Variants in ERF observed in about 807,000 individuals in gnomAD.
ERF encodes the protein ETS2 repressor factor.
In ERF, 10 loss-of-function variants were observed where a neutral mutation model predicts 41.6. The ratio of observed to expected loss-of-function variants is 0.24; its 90% CI spans 0.15 to 0.41. The LOEUF (loss-of-function observed/expected upper bound fraction) is 0.41. Ranked by LOEUF, ERF falls within the 10% of genes least tolerant of loss-of-function variation. The pLI, the probability that ERF is intolerant of heterozygous loss-of-function variation, is 1.00. For missense variants in ERF, 621 were observed against 763.2 expected (o/e 0.81, Z 2.19); for synonymous variants, 395 against 342.4 (o/e 1.15, Z -1.70).
Position 42,249,593 on chromosome 19 carries a change from G to C in ERF, c.519C>G (p.Phe173Leu). ...PACSSSSSSL[F>L]SAVVARRLGR... ...CCAGGCGGCGGGCCACCACAGCCGA[G>C]AAGAGGGAAGATGAAGATGAAGAGC... Residue 173 changes from phenylalanine to leucine, a missense_variant, in exon 4 of 4, where the codon TTC becomes TTG. Transcript: ENST00000222329. This position sits in a 1 kb window ranked among gnomAD's most constrained non-coding sequence, Gnocchi z 8.6. 6.2e-7 allele frequency: 1 copy of C among 1,613,712 alleles called. No homozygotes were observed. The highest frequency in any genetic ancestry group is 8.5e-7 in the Non-Finnish European group (1 of 1,179,966).
chr19:42,254,230 G>C (rs1049917255), intron 1 of ERF, among the ~76,000 whole-genome samples: 1 of 151,628 alleles, frequency 6.6e-6, no homozygotes, highest in East Asian at 2.0e-4. Flanking sequence ...GAGGGGGGGC[G>C]AGGGGGGAGC....
chr19:42,254,852 C>T (rs2036507237), intron 1 of ERF, 126 bp downstream of exon 1: 4 of 1,146,174 alleles, frequency 3.5e-6, no homozygotes, highest in Admixed American at 3.9e-5. Flanking sequence ...GTCTCCAGTG[C>T]TTGAGGGGTC....
At chr19:42,252,907 G>A (rs1410683451) in intron 1 of ERF, among the ~76,000 whole-genome samples, 1 of 152,168 alleles carries the variant, frequency 6.6e-6, no homozygotes, top group Non-Finnish European at 1.5e-5. Context: ...TGGGGGTGCG[G>A]GACCTCGGGA....
At chr19:42,253,677 AG>A (rs1369411251) in intron 1 of ERF, among the ~76,000 whole-genome samples, 1 of 150,604 alleles carries the variant, frequency 6.6e-6, no homozygotes, top group Non-Finnish European at 1.5e-5. Flanking sequence ...CCCCACCCCC[AG>A]GGCCCCTCCT....
chr19:42,250,587 T>C lies in ERF; in HGVS notation c.23-22A>G. The C allele has an allele frequency of 6.2e-7, 1 of 1,608,206 alleles. No homozygotes were observed. Among genetic ancestry groups the C allele is most frequent in the Non-Finnish European group, 8.5e-7 (1 of 1,177,598 alleles). On this transcript the variant is annotated intron_variant, in intron 1 of 3. Transcript: ENST00000222329. This position sits in a 1 kb window ranked among gnomAD's most constrained non-coding sequence, Gnocchi z 5.1. ...AACCCTGGGGACGGGAGGCAGGGAGTGGCCTGGGGTCAGGCTGCCAAGTCC... is the reference window on the plus strand; with the variant it reads ...AACCCTGGGGACGGGAGGCAGGGAGCGGCCTGGGGTCAGGCTGCCAAGTCC...
rs1467979308 is a variant in ERF, at chr19:42,250,596, G to A, written c.23-31C>T. ...GACGGGAGGCAGGGAGTGGCCTGGG[G>A]TCAGGCTGCCAAGTCCAGGGCTCTG... On this transcript the variant is annotated intron_variant, in intron 1 of 3. Transcript: ENST00000222329. This position sits in a 1 kb window ranked among gnomAD's most constrained non-coding sequence, Gnocchi z 5.1. 2.5e-6 allele frequency: 4 copies of A among 1,603,734 alleles called. No homozygotes were observed. The highest frequency in any genetic ancestry group is 2.6e-6 in the Non-Finnish European group (3 of 1,175,010).
Position 42,250,167 on chromosome 19 carries a change from T to G in ERF, c.257+164A>C. ...GTAATCTCTCCTCAGGATACGTCTG[T>G]GTTACCAAGGGGCTCAGGGAAGGGC... is the stretch of plus-strand genomic sequence containing the variant. On this transcript the variant is annotated intron_variant, in intron 2 of 3. Coordinates refer to ENST00000222329, the MANE Select transcript of ERF (RefSeq NM_006494.4). This position sits in a 1 kb window ranked among gnomAD's most constrained non-coding sequence, Gnocchi z 5.1. 1.2e-6 allele frequency: 1 copy of G among 814,020 alleles called. No homozygotes were observed. Among genetic ancestry groups the G allele is most frequent in the Non-Finnish European group, 1.9e-6 (1 of 516,562 alleles). The allele number at this position is 814,020 out of a possible 1,614,324, so 50.4% of individuals were successfully genotyped here. A position where few individuals can be genotyped will look rare whatever the true frequency, so the allele number is the denominator to read the frequency against.
rs781251442 is a variant in ERF at position 42,249,310 on chromosome 19, G to A, written c.802C>T (p.Leu268=). The part of the protein sequence containing the change: ...SLLPPQLSPA[L]PMTPTHLAYT... Reference sequence around the variant, plus strand: ...GCCAGGTGGGTGGGCGTCATGGGCAGAGCCGGGGAGAGCTGAGGGGGCAGC... The same window carrying A: ...GCCAGGTGGGTGGGCGTCATGGGCAAAGCCGGGGAGAGCTGAGGGGGCAGC... Residue 268 remains leucine, a synonymous_variant, in exon 4 of 4, where the codon CTG becomes TTG. Transcript: ENST00000222329. This position sits in a 1 kb window ranked among gnomAD's most constrained non-coding sequence, Gnocchi z 8.6. The A allele has an allele frequency of 3.8e-6, 6 of 1,591,954 alleles. No individual in the cohort carries two copies. The highest frequency in any genetic ancestry group is 5.1e-6 in the Non-Finnish European group (6 of 1,169,344).
Position 42,247,703 on chromosome 19 carries a change from C to G in ERF, c.*762G>C, listed in dbSNP as rs1408531531. ...CACCCCAGAGGCCCCAGCTGGGAGG[C>G]AGAGGGGGCTTCCAGTTTGGTTTCA... On this transcript the variant is annotated 3_prime_UTR_variant, in exon 4 of 4. Transcript: ENST00000222329. 6.6e-6 allele frequency: 1 copy of G among 151,642 alleles called. No homozygotes were observed. Among genetic ancestry groups the G allele is most frequent in the Non-Finnish European group, 1.5e-5 (1 of 67,798 alleles). The allele number at this position is 151,642 out of a possible 1,614,324, so 9.4% of individuals were successfully genotyped here. A position where few individuals can be genotyped will look rare whatever the true frequency, so the allele number is the denominator to read the frequency against.
In ERF at chr19:42,254,960, T is replaced by G. The variant is rs1050586624; in HGVS notation, c.22+18A>C. On this transcript the variant is annotated intron_variant, in intron 1 of 3. Coordinates refer to ENST00000222329, the MANE Select transcript of ERF (RefSeq NM_006494.4). ...CGGGGCAACAAGTCTCCCCCACACG[T>G]GCTGCCCCCGCCCCCACCTGTGTCC... The G allele has an allele frequency of 4.7e-6, 7 of 1,500,064 alleles. No homozygotes were observed. The highest frequency in any genetic ancestry group is 6.2e-6 in the Non-Finnish European group (7 of 1,133,480). The allele number at this position is 1,500,064 out of a possible 1,614,324, so 92.9% of individuals were successfully genotyped here.
At position 42,250,712 on chromosome 19, in the gene ERF, C is replaced by G. The variant is rs745691818; in HGVS notation, c.23-147G>C. ...AGTCAAGATCTGATTTAAGAGAAGA[C>G]AGTGCGTGTCTGTCTGTCTGCATGT... On this transcript the variant is annotated intron_variant, in intron 1 of 3. Coordinates refer to ENST00000222329, the MANE Select transcript of ERF (RefSeq NM_006494.4). The surrounding 1 kb of genome is among the most constrained non-coding windows in gnomAD (Gnocchi z 5.1). 6 of 789,186 alleles carry G rather than the reference C, an allele frequency of 7.6e-6. No individual in the cohort carries two copies. Among genetic ancestry groups the G allele is most frequent in the Non-Finnish European group, 1.2e-5 (6 of 498,528 alleles). The allele number at this position is 789,186 out of a possible 1,614,324, so 48.9% of individuals were successfully genotyped here.
intron 1 of ERF, among the ~76,000 whole-genome samples, chr19:42,254,224 G>C (rs1054006492): frequency 6.6e-6 from 1 of 151,798 alleles, no homozygotes; most frequent in African/African-American, 2.4e-5. Flanking sequence ...ATCCGGGAGG[G>C]GGGGCGAGGG....
chr19:42,247,707 G>A lies in ERF; in HGVS notation c.*758C>T, dbSNP rs1038238075. The A allele has an allele frequency of 6.6e-6, 1 of 151,274 alleles. No homozygotes were observed. The highest frequency in any genetic ancestry group is 1.5e-5 in the Non-Finnish European group (1 of 67,846). The allele number at this position is 151,274 out of a possible 1,614,324, so 9.4% of individuals were successfully genotyped here. A position where few individuals can be genotyped will look rare whatever the true frequency, so the allele number is the denominator to read the frequency against. On this transcript the variant is annotated 3_prime_UTR_variant, in exon 4 of 4. Transcript: ENST00000222329. ...CCAGAGGCCCCAGCTGGGAGGCAGA[G>A]GGGGCTTCCAGTTTGGTTTCAGGGC... is the stretch of plus-strand genomic sequence containing the variant.
At chr19:42,254,216 C>A (rs1456532564) in intron 1 of ERF, among the ~76,000 whole-genome samples, 1 of 150,504 alleles carries the variant, frequency 6.6e-6, no homozygotes, top group African/African-American at 2.4e-5. Context: ...AGAGGTGGAT[C>A]CGGGAGGGGG....
Position 42,248,625 on chromosome 19 carries a change from C to A in ERF, c.1487G>T (p.Gly496Val). The change falls in exon 4 of 4, where the codon GGG (glycine) becomes GTG (valine). Residue 496 changes from glycine (G) to valine (V), a missense_variant. By Grantham distance (109) the Gly-to-Val change is moderately radical. Coordinates refer to ENST00000222329, the MANE Select transcript of ERF (RefSeq NM_006494.4). This position sits in a 1 kb window ranked among gnomAD's most constrained non-coding sequence, Gnocchi z 4.2. ...RRWSEDCRLE[G>V]GGGPAGGFED... The stretch of plus-strand genomic sequence containing the variant: ...AAAGCCCCCAGCGGGGCCCCCACCC[C>A]CTTCGAGGCGACAGTCTTCACTCCA... 6.3e-7 allele frequency: 1 copy of A among 1,584,934 alleles called. No homozygotes were observed.
chr19:42,252,481 TGA>T (rs2036460284), intron 1 of ERF, among the ~76,000 whole-genome samples: 1 of 148,268 alleles, frequency 6.7e-6, no homozygotes, highest in African/African-American at 2.5e-5. Flanking sequence ...AGAGAGGGAG[TGA>T]GAGAGACTAC....
chr19:42,248,433 T>C lies in ERF; in HGVS notation c.*32A>G. 6.9e-7 allele frequency: 1 copy of C among 1,441,468 alleles called. No individual in the cohort carries two copies. The highest frequency in any genetic ancestry group is 9.1e-7 in the Non-Finnish European group (1 of 1,097,242). 89.3% of individuals were successfully genotyped at this position (1,441,468 alleles called of 1,614,324 possible). A position where few individuals can be genotyped will look rare whatever the true frequency, so the allele number is the denominator to read the frequency against. Reference sequence around the variant, plus strand: ...AAGGCAGCAAAAGAAGCATGGGGGGTGCGGGGCACACAGGTCCCCTGCCCA... The same window carrying C: ...AAGGCAGCAAAAGAAGCATGGGGGGCGCGGGGCACACAGGTCCCCTGCCCA... On this transcript the variant is annotated 3_prime_UTR_variant, in exon 4 of 4. Coordinates refer to ENST00000222329, the MANE Select transcript of ERF (RefSeq NM_006494.4). This position sits in a 1 kb window ranked among gnomAD's most constrained non-coding sequence, Gnocchi z 4.2.
rs367694248 is a variant in ERF at position 42,249,299 on chromosome 19, C to T, written c.813G>A (p.Thr271=). The change falls in exon 4 of 4, where the codon ACG becomes ACA. Residue 271 remains threonine (T), a synonymous_variant. Transcript: ENST00000222329. This position sits in a 1 kb window ranked among gnomAD's most constrained non-coding sequence, Gnocchi z 8.6. Reference sequence around the variant, plus strand: ...AGGGAGTGTAGGCCAGGTGGGTGGGCGTCATGGGCAGAGCCGGGGAGAGCT... The same window carrying T: ...AGGGAGTGTAGGCCAGGTGGGTGGGTGTCATGGGCAGAGCCGGGGAGAGCT... ...PPQLSPALPM[T]PTHLAYTPSP... is the part of the protein sequence containing the mutation. The T allele has an allele frequency of 4.2e-5, 67 of 1,598,864 alleles. 1 individual carries two copies. The Admixed American group carries it at 1.1e-3, about 25-fold the overall frequency.
Position 42,248,888 on chromosome 19 carries a change from C to CCCGCCTGCACTG in ERF, c.1212_1223dup (p.Ser405_Gly408dup), listed in dbSNP as rs764805806. On this transcript the variant is annotated inframe_insertion, in exon 4 of 4. Coordinates refer to ENST00000222329, the MANE Select transcript of ERF (RefSeq NM_006494.4). The surrounding 1 kb of genome is among the most constrained non-coding windows in gnomAD (Gnocchi z 4.2). The stretch of plus-strand genomic sequence containing the variant: ...CTAGCGCCCCTGCCCCCTCAGCCAG[C>CCCGCCTGCACTG]CCGCCTGCACTGCCACCGCTCTTGT... The CCCGCCTGCACTG allele has an allele frequency of 6.2e-7, 1 of 1,607,252 alleles. No homozygotes were observed. The highest frequency in any genetic ancestry group is 8.5e-7 in the Non-Finnish European group (1 of 1,178,792).
Sources: gnomAD v4.1 joint callset for allele counts (sites outside exome capture counted in the v4.1 genomes callset) on GRCh38, gnomAD v4.1.1 for gene constraint, Gnocchi (gnomAD v3.1) non-coding constraint, MANE v1.5 for transcripts, NCBI Gene and HGNC (gene_info 2026-07-23, HGNC 2026-07-21) for gene names.